Variants in IGSF3 observed in about 807,000 individuals in gnomAD.
The protein encoded by IGSF3 is immunoglobulin superfamily member 3, also known as glu-Trp-Ile EWI motif-containing protein 3.
Under a neutral mutation model 114.4 loss-of-function variants are expected in IGSF3, and 23 were observed. The observed-to-expected ratio is 0.20, with a 90% confidence interval of 0.14 to 0.28. The LOEUF is 0.28. IGSF3 is among the 10% of genes least tolerant of loss of function. IGSF3 has a pLI of 1.00. For synonymous variants in IGSF3, 571 were observed against 645.2 expected, an observed-to-expected ratio of 0.88 and a Z score of 1.74; for missense variants, 1,172 against 1,591.5, an observed-to-expected ratio of 0.74 and a Z score of 4.48.
Position 116,603,748 on chromosome 1 carries a change from G to A in IGSF3, c.1500C>T (p.Asn500=). The A allele has an allele frequency of 6.2e-7, 1 of 1,614,014 alleles. No homozygotes were observed. The highest frequency in any genetic ancestry group is 8.5e-7 in the Non-Finnish European group (1 of 1,179,872). ...ACTGGCCCTCGTCCTCCTTCCTGCT[G>A]TTGAAGATGCCCAGGCTGAACGAGT... The part of the protein sequence containing the change: ...QPNSFSLGIF[N]SRKEDEGQYE... The change falls in exon 6 of 11, where the codon AAC becomes AAT. Residue 500 remains asparagine, a synonymous_variant. Transcript: ENST00000369486. This position sits in a 1 kb window ranked among gnomAD's most constrained non-coding sequence, Gnocchi z 7.1.
chr1:116,660,160 T>A (rs1206706064), intron 2 of IGSF3, among the ~76,000 whole-genome samples: 1 of 152,176 alleles, frequency 6.6e-6, no homozygotes, highest in African/African-American at 2.4e-5. Context: ...CCACTGACAG[T>A]CATTTCTCCA....
In IGSF3 at chr1:116,627,146, T is replaced by TA. The variant is rs1460914870; in HGVS notation, c.44-10690dup. On this transcript the variant is annotated intron_variant, in intron 2 of 10. Coordinates refer to ENST00000369486, the MANE Select transcript of IGSF3 (RefSeq NM_001007237.3). The surrounding 1 kb of genome is among the most constrained non-coding windows in gnomAD (Gnocchi z 4.7). ...AGGCTGAGTGTTGGGCATTTTTTTTTAAAGAGGGCAGCTTCGTGGCAACAC... is the reference window on the plus strand; with the variant it reads ...AGGCTGAGTGTTGGGCATTTTTTTTTAAAAGAGGGCAGCTTCGTGGCAACAC... Among the ~76,000 whole-genome samples the TA allele has an allele frequency of 6.6e-6, 1 of 152,078 alleles. No individual in the cohort carries two copies. Among genetic ancestry groups the TA allele is most frequent in the Non-Finnish European group, 1.5e-5 (1 of 68,028 alleles).
chr1:116,585,367 C>T lies in IGSF3; in HGVS notation c.2441-315G>A, dbSNP rs1239572252. On this transcript the variant is annotated intron_variant, in intron 8 of 10. Transcript: ENST00000369486. The surrounding 1 kb of genome is among the most constrained non-coding windows in gnomAD (Gnocchi z 4.9). Reference sequence around the variant, plus strand: ...TGCACATCCAAATGACAACGGACCACAAAACATGTCGCTGGCCGGGGCAGG... The same window carrying T: ...TGCACATCCAAATGACAACGGACCATAAAACATGTCGCTGGCCGGGGCAGG... 2.6e-5 allele frequency among the ~76,000 whole-genome samples: 4 copies of T among 152,070 alleles called. No individual in the cohort carries two copies. The highest frequency in any genetic ancestry group is 9.7e-5 in the African/African-American group (4 of 41,380).
At chr1:116,631,280 T>G (rs1172023441) in intron 2 of IGSF3, among the ~76,000 whole-genome samples, 10 of 130,218 alleles carry the variant, frequency 7.7e-5, no homozygotes, top group Non-Finnish European at 1.2e-4. Context: ...ATCGCACCAC[T>G]GCACTCCAGC....
At position 116,662,972 on chromosome 1, in the gene IGSF3, G is replaced by A. The variant is rs1035836906; in HGVS notation, c.43+3312C>T. On this transcript the variant is annotated intron_variant, in intron 2 of 10. Coordinates refer to ENST00000369486, the MANE Select transcript of IGSF3 (RefSeq NM_001007237.3). This position sits in a 1 kb window ranked among gnomAD's most constrained non-coding sequence, Gnocchi z 4.3. ...AAGAGATGGCTTCCTCAGCCTTACC[G>A]TATTCAAAGAAGAGACTTCCCAAAC... Among the ~76,000 whole-genome samples, 27 of 152,104 alleles carry A rather than the reference G, an allele frequency of 1.8e-4. No homozygotes were observed. Among genetic ancestry groups the A allele is most frequent in the Admixed American group, 1.6e-3 (24 of 15,272 alleles).
intron 2 of IGSF3, among the ~76,000 whole-genome samples, chr1:116,631,807 C>T (rs182983561): frequency 1.3e-5 from 2 of 152,326 alleles, no homozygotes; most frequent in East Asian, 3.9e-4. Flanking sequence ...GGTCAACAGT[C>T]ACTCAGCTGA....
intron 10 of IGSF3, among the ~76,000 whole-genome samples, chr1:116,578,913 A>C (rs1306266012): frequency 1.3e-5 from 2 of 152,148 alleles, no homozygotes; most frequent in Non-Finnish European, 2.9e-5. Context: ...CCAACCATAC[A>C]AGATCCACCT....
In IGSF3 at chr1:116,616,468, G is replaced by A. The variant is rs767762381; in HGVS notation, c.44-11C>T. 2 of 1,581,128 alleles carry A rather than the reference G, an allele frequency of 1.3e-6. No homozygotes were observed. The highest frequency in any genetic ancestry group is 1.7e-6 in the Non-Finnish European group (2 of 1,158,298). On this transcript the variant is annotated splice_polypyrimidine_tract_variant and intron_variant, in intron 2 of 10. Transcript: ENST00000369486. The surrounding 1 kb of genome is among the most constrained non-coding windows in gnomAD (Gnocchi z 6.6). ...GTGCTGACACCACACCTACGAGGGA[G>A]AGAAACACACACAACATGCTTACTT...
intron 2 of IGSF3, chr1:116,617,187 C>T: frequency 3.6e-6 from 2 of 557,214 alleles, no homozygotes; most frequent in Non-Finnish European, 4.6e-6. Flanking sequence ...CAAGGACAGT[C>T]AGGCTACCCT....
rs1460803842 is a variant in IGSF3 at position 116,657,843 on chromosome 1, C to G, written c.43+8441G>C. 4.6e-5 allele frequency among the ~76,000 whole-genome samples: 7 copies of G among 152,102 alleles called. No homozygotes were observed. The highest frequency in any genetic ancestry group is 4.6e-4 in the Admixed American group (7 of 15,274). ...CAGAATTAAATACACAAAAATAGCA[C>G]CAACTTAAGGCAAGCCTGGGCAAAC... On this transcript the variant is annotated intron_variant, in intron 2 of 10. Transcript: ENST00000369486. The surrounding 1 kb of genome is among the most constrained non-coding windows in gnomAD (Gnocchi z 4.2).
chr1:116,591,432 A>T (rs1208068603), intron 7 of IGSF3, among the ~76,000 whole-genome samples: 1 of 152,264 alleles, frequency 6.6e-6, no homozygotes, highest in Non-Finnish European at 1.5e-5. Flanking sequence ...GTTACTAAGG[A>T]AACCTCAATT....
Position 116,608,201 on chromosome 1 carries a change from G to A in IGSF3, c.963C>T (p.Asn321=). Reference sequence around the variant, plus strand: ...GACCCATGGTGGCGATGAGCGAGCTGTTGAAGGCCCAGGAGACAGCAAAGT... The same window carrying A: ...GACCCATGGTGGCGATGAGCGAGCTATTGAAGGCCCAGGAGACAGCAAAGT... The part of the protein sequence containing the change: ...DRYFAVSWAF[N]SSLIATMGPN... The change falls in exon 5 of 11, where the codon AAC becomes AAT. Residue 321 remains asparagine, a synonymous_variant. Transcript: ENST00000369486. 3 of 1,611,306 alleles carry A rather than the reference G, an allele frequency of 1.9e-6. No homozygotes were observed. The highest frequency in any genetic ancestry group is 2.5e-6 in the Non-Finnish European group (3 of 1,177,792).
chr1:116,631,605 G>A (rs1357487075), intron 2 of IGSF3, among the ~76,000 whole-genome samples: 1 of 152,206 alleles, frequency 6.6e-6, no homozygotes, highest in Non-Finnish European at 1.5e-5. Context: ...TAACAGGCAA[G>A]AGAATGTGGG....
intron 2 of IGSF3, among the ~76,000 whole-genome samples, chr1:116,658,189 C>A (rs1025368611): frequency 6.6e-6 from 1 of 152,082 alleles, no homozygotes; most frequent in African/African-American, 2.4e-5. Context: ...TTACAGGCAC[C>A]CGCTACCACA....
At chr1:116,609,012 C>G (rs1226738390) in intron 4 of IGSF3, among the ~76,000 whole-genome samples, 1 of 151,906 alleles carries the variant, frequency 6.6e-6, no homozygotes, top group Non-Finnish European at 1.5e-5. Context: ...AGGTACTTTC[C>G]CAGTGAAGTA....
intron 1 of IGSF3, among the ~76,000 whole-genome samples, chr1:116,667,321 T>A (rs906263383): frequency 4.6e-5 from 7 of 152,068 alleles, no homozygotes; most frequent in Non-Finnish European, 2.9e-5. Context: ...GTGGGAGCTC[T>A]GCGCGCGACG....
chr1:116,632,879 C>T lies in IGSF3; in HGVS notation c.44-16422G>A, dbSNP rs562735421. On this transcript the variant is annotated intron_variant, in intron 2 of 10. Transcript: ENST00000369486. The surrounding 1 kb of genome is among the most constrained non-coding windows in gnomAD (Gnocchi z 5.1). The stretch of plus-strand genomic sequence containing the variant: ...TCTCCATGGCTAGGGACAGTGACAT[C>T]AGTGTGTTTACCAAGCATTTGATTT... Among the ~76,000 whole-genome samples, 1 of 152,314 alleles carries T rather than the reference C, an allele frequency of 6.6e-6. No homozygotes were observed. Among genetic ancestry groups the T allele is most frequent in the East Asian group, 1.9e-4 (1 of 5,184 alleles).
chr1:116,611,622 A>T (rs1288801683), intron 4 of IGSF3, among the ~76,000 whole-genome samples: 1 of 151,650 alleles, frequency 6.6e-6, no homozygotes. Flanking sequence ...AAACATATCA[A>T]ACACTTTTGC....
chr1:116,590,165 C>A (rs951562401), intron 7 of IGSF3, among the ~76,000 whole-genome samples: 11 of 152,064 alleles, frequency 7.2e-5, no homozygotes, highest in Non-Finnish European at 1.3e-4. Flanking sequence ...CTTCTCCTCA[C>A]TGTCCTGCTC....
Sources: allele counts gnomAD v4.1 joint callset (sites outside exome capture counted in the v4.1 genomes callset), GRCh38; gene constraint gnomAD v4.1.1; non-coding constraint Gnocchi (gnomAD v3.1); transcripts MANE v1.5; gene names NCBI Gene and HGNC (gene_info 2026-07-23, HGNC 2026-07-21).